The following NCOA1 variants were observed in gnomAD, a reference collection of about 807,000 sequenced individuals.
NCOA1 encodes Hin-2 protein.
NCOA1 carries 35 observed loss-of-function variants against 150.9 expected under a neutral mutation model. The ratio of observed to expected loss-of-function variants is 0.23; its 90% CI spans 0.18 to 0.31. The LOEUF (loss-of-function observed/expected upper bound fraction) is 0.31, where lower values mean the gene tolerates loss of function less well. Among genes scored for constraint, NCOA1 ranks in the 10% least tolerant of loss-of-function variants. The pLI, the probability that NCOA1 is intolerant of heterozygous loss-of-function variation, is 1.00. For synonymous variants in NCOA1, 590 were observed against 630.0 expected (o/e 0.94, Z 0.95); for missense variants, 1,491 against 1,749.3 (o/e 0.85, Z 2.63).
chr2:24,656,472 T>A (rs1042410593), intron 4 of NCOA1, among the ~76,000 whole-genome samples: 1 of 152,124 alleles, frequency 6.6e-6, no homozygotes, highest in Non-Finnish European at 1.5e-5. Context: ...TTTCTTCGCA[T>A]TGGGAACATT....
chr2:24,589,431 C>T (rs1235186970), intron 3 of NCOA1, among the ~76,000 whole-genome samples: 1 of 152,152 alleles, frequency 6.6e-6, no homozygotes, highest in Non-Finnish European at 1.5e-5. Flanking sequence ...TTACCTTTCC[C>T]GTACTACTTT....
chr2:24,549,601 C>T (rs1665743725), intron 1 of NCOA1, among the ~76,000 whole-genome samples: 1 of 152,202 alleles, frequency 6.6e-6, no homozygotes, highest in South Asian at 2.1e-4. Flanking sequence ...GAGTCTCACT[C>T]TGTCACCCAG....
At chr2:24,679,758 T>C (rs549139046) in intron 7 of NCOA1, among the ~76,000 whole-genome samples, 211 of 152,280 alleles carry the variant, frequency 1.4e-3, no homozygotes, top group African/African-American at 4.5e-3. Context: ...ACCCAAAATA[T>C]TTTAAAAAAG....
intron 9 of NCOA1, among the ~76,000 whole-genome samples, chr2:24,692,831 T>C (rs1049482979): frequency 3.9e-5 from 6 of 152,246 alleles, no homozygotes; most frequent in African/African-American, 1.4e-4. Flanking sequence ...TTCAGTATTA[T>C]GCAATATTAT....
At chr2:24,508,835 C>A (rs1663814144) in intron 1 of NCOA1, among the ~76,000 whole-genome samples, 2 of 152,136 alleles carry the variant, frequency 1.3e-5, no homozygotes. Flanking sequence ...TTGTGAGACA[C>A]ACAAAATCTC....
At chr2:24,764,570 G>A (rs901489541) in intron 22 of NCOA1, among the ~76,000 whole-genome samples, 3 of 152,162 alleles carry the variant, frequency 2.0e-5, no homozygotes, top group African/African-American at 7.2e-5. Flanking sequence ...CACAGAAACA[G>A]GGAAATAGTA....
At chr2:24,569,938 A>G (rs943716951) in intron 2 of NCOA1, among the ~76,000 whole-genome samples, 12 of 151,776 alleles carry the variant, frequency 7.9e-5, no homozygotes, top group African/African-American at 2.7e-4. Context: ...ATTTTGAAAT[A>G]GAACATGGAA....
chr2:24,712,116 G>A (rs190276793), intron 14 of NCOA1, among the ~76,000 whole-genome samples: 12 of 152,210 alleles, frequency 7.9e-5, no homozygotes, highest in African/African-American at 2.9e-4. Context: ...AGAGTCAGAA[G>A]CCTAGATTCA....
At chr2:24,669,091 A>G (rs992284747) in intron 6 of NCOA1, among the ~76,000 whole-genome samples, 1 of 152,174 alleles carries the variant, frequency 6.6e-6, no homozygotes, top group Non-Finnish European at 1.5e-5. Flanking sequence ...TAAATAAATT[A>G]TTTACCTTTC....
chr2:24,563,956 C>G (rs900588964), intron 1 of NCOA1, among the ~76,000 whole-genome samples: 1 of 152,166 alleles, frequency 6.6e-6, no homozygotes, highest in African/African-American at 2.4e-5. Context: ...TTACCTGAAA[C>G]TGGATACTCA....
At chr2:24,517,106 C>T (rs543804379) in intron 1 of NCOA1, among the ~76,000 whole-genome samples, 5 of 149,162 alleles carry the variant, frequency 3.4e-5, no homozygotes, top group East Asian at 4.0e-4. Flanking sequence ...TAATCTCTTC[C>T]GTTAGGTCTA....
intron 3 of NCOA1, among the ~76,000 whole-genome samples, chr2:24,599,412 G>C (rs978050879): frequency 1.3e-5 from 2 of 152,056 alleles, no homozygotes; most frequent in Admixed American, 6.6e-5. Context: ...CACATAAATG[G>C]TAAATCATCT....
At chr2:24,587,965 T>C (rs2148326771) in intron 3 of NCOA1, among the ~76,000 whole-genome samples, 1 of 152,358 alleles carries the variant, frequency 6.6e-6, no homozygotes, top group South Asian at 2.1e-4. Context: ...TGTAATTCTG[T>C]ACAGCTCATT....
chr2:24,504,015 G>A (rs1260155715), intron 1 of NCOA1, among the ~76,000 whole-genome samples: 2 of 152,038 alleles, frequency 1.3e-5, no homozygotes, highest in Non-Finnish European at 2.9e-5. Context: ...GATTACAGGC[G>A]TGAGCCACTG....
intron 1 of NCOA1, among the ~76,000 whole-genome samples, chr2:24,543,274 TTATAACAACCTGCTTTTATAACAA>T (rs1483440548): frequency 1.3e-5 from 2 of 152,156 alleles, no homozygotes; most frequent in East Asian, 3.8e-4. Context: ...AAACTTCCTT[TTATAACAACCTGCTTTTATAACAA>T]TCTACTCTTG....
At chr2:24,738,476 G>A (rs763450796) in intron 17 of NCOA1, among the ~76,000 whole-genome samples, 9 of 151,998 alleles carry the variant, frequency 5.9e-5, no homozygotes, top group Non-Finnish European at 1.2e-4. Context: ...TACTGTTAAG[G>A]CATGCCTGGC....
intron 2 of NCOA1, chr2:24,564,653 A>G (rs1023956516): frequency 7.2e-5 from 11 of 152,154 alleles, no homozygotes; most frequent in South Asian, 2.1e-4. Flanking sequence ...CAGTATTCCA[A>G]TGTGGTCTCA....
intron 7 of NCOA1, among the ~76,000 whole-genome samples, chr2:24,682,634 T>A (rs936710984): frequency 2.0e-5 from 3 of 152,178 alleles, no homozygotes; most frequent in Non-Finnish European, 2.9e-5. Context: ...ATGTTCTTCC[T>A]TCAATCCTCT....
chr2:24,658,013 G>A (rs139819436), intron 4 of NCOA1, among the ~76,000 whole-genome samples: 4 of 152,316 alleles, frequency 2.6e-5, no homozygotes, highest in Non-Finnish European at 4.4e-5. Context: ...GAGAGACCTG[G>A]CTGGTGTGCT....
Sources: gnomAD v4.1 joint callset for allele counts (sites outside exome capture counted in the v4.1 genomes callset) on GRCh38, gnomAD v4.1.1 for gene constraint, MANE v1.5 for transcripts, NCBI Gene and HGNC (gene_info 2026-07-23, HGNC 2026-07-21) for gene names.